The following INPP4B variants were observed in gnomAD, a reference collection of about 807,000 sequenced individuals.
INPP4B encodes the protein inositol polyphosphate 4-phosphatase type II.
Under a neutral mutation model 122.5 loss-of-function variants are expected in INPP4B, and 55 were observed. The observed-to-expected ratio is 0.45, with a 90% CI of 0.36 to 0.56. INPP4B has a LOEUF of 0.56. Ranked by LOEUF, INPP4B falls within the 20% of genes least tolerant of loss-of-function variation. The pLI, the probability that INPP4B is intolerant of heterozygous loss-of-function variation, is 0.00. For synonymous variants in INPP4B, 403 were observed against 388.7 expected (o/e 1.04, Z -0.43); for missense variants, 1,000 against 1,097.7 (o/e 0.91, Z 1.26).
chr4:142,197,389 A>C (rs1579255828), intron 14 of INPP4B, among the ~76,000 whole-genome samples: 1 of 152,078 alleles, frequency 6.6e-6, no homozygotes, highest in East Asian at 1.9e-4. Flanking sequence ...AAACTCAATT[A>C]CCACCTTCTC....
At chr4:142,343,754 C>G (rs1187574765) in intron 7 of INPP4B, among the ~76,000 whole-genome samples, 2 of 152,088 alleles carry the variant, frequency 1.3e-5, no homozygotes, top group Non-Finnish European at 2.9e-5. Flanking sequence ...CAGCCACTAA[C>G]TAATCGTAAC....
chr4:142,803,188 A>G (rs1778243630), intron 1 of INPP4B, among the ~76,000 whole-genome samples: 1 of 136,620 alleles, frequency 7.3e-6, no homozygotes, highest in Non-Finnish European at 1.7e-5. Context: ...AAAAAAAAAG[A>G]AAGAAAGAAA....
chr4:142,575,195 C>A (rs979204702), intron 2 of INPP4B, among the ~76,000 whole-genome samples: 1 of 150,270 alleles, frequency 6.7e-6, no homozygotes, highest in African/African-American at 2.5e-5. Flanking sequence ...CCCATAGTGC[C>A]GTGAAATCAT....
At chr4:142,841,180 T>C (rs1418486762) in intron 1 of INPP4B, among the ~76,000 whole-genome samples, 2 of 152,008 alleles carry the variant, frequency 1.3e-5, no homozygotes, top group Admixed American at 1.3e-4. Context: ...AAAGACATCA[T>C]AGAGTGTTAA....
At chr4:142,647,274 G>A (rs1464068811) in intron 2 of INPP4B, among the ~76,000 whole-genome samples, 1 of 152,046 alleles carries the variant, frequency 6.6e-6, no homozygotes, top group Admixed American at 6.6e-5. Context: ...TTTTATCATT[G>A]TTGTTGTATC....
chr4:142,040,592 G>A (rs1746812425), intron 25 of INPP4B, among the ~76,000 whole-genome samples: 1 of 151,686 alleles, frequency 6.6e-6, no homozygotes, highest in Admixed American at 6.6e-5. Context: ...ACATATCTTA[G>A]TTAGTAGAAA....
chr4:142,239,899 C>T (rs1579401042), intron 11 of INPP4B, among the ~76,000 whole-genome samples: 1 of 151,784 alleles, frequency 6.6e-6, no homozygotes, highest in African/African-American at 2.4e-5. Flanking sequence ...CATGATCACA[C>T]AGAACTTTTG....
intron 2 of INPP4B, among the ~76,000 whole-genome samples, chr4:142,464,081 A>C (rs1470678593): frequency 2.0e-5 from 3 of 152,170 alleles, no homozygotes; most frequent in Non-Finnish European, 4.4e-5. Flanking sequence ...GCAGAGTCCC[A>C]CAGGTAAAGA....
intron 2 of INPP4B, among the ~76,000 whole-genome samples, chr4:142,628,177 A>T (rs1243045238): frequency 1.3e-5 from 2 of 150,140 alleles, no homozygotes; most frequent in African/African-American, 2.4e-5. Flanking sequence ...TCCAACAATG[A>T]TAGATTGGAT....
intron 1 of INPP4B, among the ~76,000 whole-genome samples, chr4:142,768,650 A>G (rs1772536101): frequency 6.6e-6 from 1 of 152,240 alleles, no homozygotes; most frequent in Admixed American, 6.5e-5. Flanking sequence ...AAGCTGGCAC[A>G]TAGCAAGAGA....
intron 24 of INPP4B, 45 bp from the exon 25 acceptor site, chr4:142,082,230 C>T (rs756525437): frequency 4.8e-6 from 7 of 1,449,328 alleles, no homozygotes; most frequent in Non-Finnish European, 5.6e-6. Flanking sequence ...ATTTGTAATA[C>T]CGTAAAGTGT....
intron 8 of INPP4B, among the ~76,000 whole-genome samples, chr4:142,308,510 T>C (rs1764266063): frequency 6.6e-6 from 1 of 152,136 alleles, no homozygotes; most frequent in Non-Finnish European, 1.5e-5. Context: ...TCTTGTTTTC[T>C]TCACCTCAGT....
intron 2 of INPP4B, among the ~76,000 whole-genome samples, chr4:142,466,814 G>A (rs746613037): frequency 3.3e-5 from 5 of 152,118 alleles, no homozygotes; most frequent in Admixed American, 6.5e-5. Context: ...GCCCTGATCC[G>A]CCTTGGGATA....
intron 2 of INPP4B, among the ~76,000 whole-genome samples, chr4:142,665,262 G>C (rs946342571): frequency 6.6e-6 from 1 of 152,108 alleles, no homozygotes; most frequent in African/African-American, 2.4e-5. Context: ...GGAGGCCAAG[G>C]CGGGCAGATC....
chr4:142,728,076 C>T (rs1235501484), intron 1 of INPP4B, among the ~76,000 whole-genome samples: 5 of 152,124 alleles, frequency 3.3e-5, no homozygotes, highest in Admixed American at 2.6e-4. Flanking sequence ...TCCACATTAA[C>T]GTAAGGTCCA....
At chr4:142,478,343 G>A (rs2149723194) in intron 2 of INPP4B, among the ~76,000 whole-genome samples, 2 of 152,170 alleles carry the variant, frequency 1.3e-5, no homozygotes, top group Middle Eastern at 6.8e-3. Flanking sequence ...AATCTTTCTT[G>A]TTCCTGTTCT....
At chr4:142,676,870 C>T (rs1031015674) in intron 2 of INPP4B, among the ~76,000 whole-genome samples, 2 of 151,102 alleles carry the variant, frequency 1.3e-5, no homozygotes, top group Admixed American at 6.6e-5. Flanking sequence ...AAACGTAAGA[C>T]CTAAAACCAT....
At chr4:142,065,938 C>A (rs1763300957) in intron 25 of INPP4B, among the ~76,000 whole-genome samples, 1 of 152,160 alleles carries the variant, frequency 6.6e-6, no homozygotes, top group South Asian at 2.1e-4. Flanking sequence ...CAGGAACCTT[C>A]ATGTGTTCAG....
At chr4:142,673,331 TTAAAGTTCAGA>T (rs1182758151) in intron 2 of INPP4B, among the ~76,000 whole-genome samples, 1 of 152,100 alleles carries the variant, frequency 6.6e-6, no homozygotes, top group African/African-American at 2.4e-5. Flanking sequence ...AGTGCAATTT[TTAAAGTTCAGA>T]GAAAGTCCTA....
Sources: gnomAD v4.1 joint callset for allele counts (sites outside exome capture counted in the v4.1 genomes callset) on GRCh38, gnomAD v4.1.1 for gene constraint, MANE v1.5 for transcripts, NCBI Gene and HGNC (gene_info 2026-07-23, HGNC 2026-07-21) for gene names.